The following ENOX1 variants were observed in gnomAD, a reference collection of about 807,000 sequenced individuals.
The protein encoded by ENOX1 is ecto-NOX disulfide-thiol exchanger 1, also known as candidate growth-related and time keeping constitutive hydroquinone (NADH) oxidase.
In ENOX1, 42 loss-of-function variants were observed where a neutral mutation model predicts 82.5. That is an observed-to-expected ratio of 0.51 (90% CI 0.40 to 0.66). The LOEUF (loss-of-function observed/expected upper bound fraction) is 0.66, where lower values mean the gene tolerates loss of function less well. Among genes scored for constraint, ENOX1 ranks in the 30% least tolerant of loss-of-function variants. The pLI, the probability that ENOX1 is intolerant of heterozygous loss-of-function variation, is 0.00. For synonymous variants in ENOX1, 271 were observed against 282.2 expected, an observed-to-expected ratio of 0.96 and a Z score of 0.40; for missense variants, 608 against 811.6, an observed-to-expected ratio of 0.75 and a Z score of 3.05.
chr13:43,502,528 T>C (rs534354628), intron 2 of ENOX1, among the ~76,000 whole-genome samples: 72 of 151,898 alleles, frequency 4.7e-4, no homozygotes, highest in African/African-American at 1.7e-3. Context: ...ATGGGATTTA[T>C]TCCTGGGATG....
Position 43,622,687 on chromosome 13 carries a change from G to T in ENOX1, c.-219+44792C>A, listed in dbSNP as rs150744961. 2.9e-3 allele frequency among the ~76,000 whole-genome samples: 446 copies of T among 152,210 alleles called. 2 individuals carry two copies. The highest frequency in any genetic ancestry group is 0.01 in the African/African-American group (419 of 41,520). On this transcript the variant is annotated intron_variant, in intron 2 of 16. Coordinates refer to ENST00000690772, the MANE Select transcript of ENOX1 (RefSeq NM_001347969.2). ...TCAGGGATGCAATGGACTCCATGAG[G>T]GTCCTTAGCTTTGGTGGTTTAATGG...
chr13:43,715,981 A>T (rs1199807255), intron 1 of ENOX1, among the ~76,000 whole-genome samples: 1 of 152,120 alleles, frequency 6.6e-6, no homozygotes, highest in Non-Finnish European at 1.5e-5. Context: ...AAAGTTTTTA[A>T]CTTCTTTGCC....
At chr13:43,474,206 G>A (rs1266967895) in intron 3 of ENOX1, among the ~76,000 whole-genome samples, 1 of 152,040 alleles carries the variant, frequency 6.6e-6, no homozygotes, top group East Asian at 1.9e-4. Flanking sequence ...GGTTTTTGTT[G>A]TTGTTGAGGT....
At chr13:43,603,103 T>C (rs1282816007) in intron 2 of ENOX1, among the ~76,000 whole-genome samples, 1 of 152,086 alleles carries the variant, frequency 6.6e-6, no homozygotes, top group Admixed American at 6.6e-5. Context: ...ATCATCTCAC[T>C]ATTGTTCACT....
chr13:43,584,194 A>T (rs997033983), intron 2 of ENOX1, among the ~76,000 whole-genome samples: 2 of 152,220 alleles, frequency 1.3e-5, no homozygotes, highest in Non-Finnish European at 2.9e-5. Flanking sequence ...ACAACCTTCA[A>T]TTCCAGGCAC....
chr13:43,610,209 G>A (rs930266196), intron 2 of ENOX1, among the ~76,000 whole-genome samples: 1 of 152,106 alleles, frequency 6.6e-6, no homozygotes, highest in African/African-American at 2.4e-5. Context: ...AGTGCTCTTG[G>A]CATTTATGTA....
At chr13:43,634,293 C>A (rs2083332571) in intron 2 of ENOX1, among the ~76,000 whole-genome samples, 1 of 152,154 alleles carries the variant, frequency 6.6e-6, no homozygotes. Flanking sequence ...ACTCCAAACT[C>A]CCATCAAAGA....
At chr13:43,470,454 ATAAT>A (rs71670448) in intron 3 of ENOX1, among the ~76,000 whole-genome samples, 40,777 of 133,100 alleles carry the variant, frequency 0.31, 7,513 homozygotes, top group East Asian at 0.51. Context: ...GATACAGAAA[ATAAT>A]TAACCATGAA....
intron 14 of ENOX1, among the ~76,000 whole-genome samples, chr13:43,252,546 C>A (rs765991751): frequency 1.3e-5 from 2 of 152,212 alleles, no homozygotes; most frequent in Non-Finnish European, 2.9e-5. Context: ...AAAACTGTAA[C>A]AAAACATGTG....
Position 43,213,540 on chromosome 13 carries a change from TTTTC to T in ENOX1, c.*446_*449del, listed in dbSNP as rs1272965603. The stretch of plus-strand genomic sequence containing the variant: ...TTCTTTTTTCTTTTTTTCTTTTTCT[TTTTC>T]TTTTTTTTTTTTTTTTTTTTTTTAC... On this transcript the variant is annotated 3_prime_UTR_variant, in exon 17 of 17. Transcript: ENST00000690772. The T allele has an allele frequency of 2.4e-5, 3 of 127,518 alleles. No homozygotes were observed. The Admixed American group carries it at 2.6e-4, about 11-fold the overall frequency. The allele number at this position is 127,518 out of a possible 1,614,324, so 7.9% of individuals were successfully genotyped here.
rs1566641461 is a variant in ENOX1, at chr13:43,616,153, G to GATATCTATCTAT, written c.-219+51325_-219+51326insATAGATAGATAT. Among the ~76,000 whole-genome samples the GATATCTATCTAT allele has an allele frequency of 1.2e-4, 2 of 16,414 alleles. 1 individual carries two copies. The highest frequency in any genetic ancestry group is 3.2e-4 in the African/African-American group (2 of 6,272). The allele number at this position is 16,414 out of a possible 152,430, so 10.8% of individuals were successfully genotyped here. A position where few individuals can be genotyped will look rare whatever the true frequency, so the allele number is the denominator to read the frequency against. On this transcript the variant is annotated intron_variant, in intron 2 of 16. Transcript: ENST00000690772. ...ATCTATCTATCTAGATATCTATATA[G>GATATCTATCTAT]ATAGATATCTATCTATCTATCTATC...
intron 3 of ENOX1, among the ~76,000 whole-genome samples, chr13:43,480,231 A>T (rs2058456602): frequency 6.6e-6 from 1 of 152,126 alleles, no homozygotes; most frequent in Non-Finnish European, 1.5e-5. Flanking sequence ...GAGCCACTGC[A>T]CCTGGCTGGT....
At chr13:43,224,273 G>A in intron 15 of ENOX1, 135 bp from the exon 16 acceptor site, 1 of 650,660 alleles carries the variant, frequency 1.5e-6, no homozygotes, top group Non-Finnish European at 2.7e-6. Context: ...CACTCAACAA[G>A]CATTCAATAA....
At chr13:43,380,924 A>G (rs1575430) in intron 5 of ENOX1, among the ~76,000 whole-genome samples, 101,384 of 151,646 alleles carry the variant, frequency 0.67, 36,607 homozygotes, top group Non-Finnish European at 0.83. Flanking sequence ...AACTAATAAA[A>G]TGGAAAGCTG....
At chr13:43,350,826 C>T (rs557946149) in intron 8 of ENOX1, among the ~76,000 whole-genome samples, 9 of 152,220 alleles carry the variant, frequency 5.9e-5, no homozygotes, top group African/African-American at 1.7e-4. Context: ...AGAGCCAAGC[C>T]GGGAGCACTG....
intron 2 of ENOX1, among the ~76,000 whole-genome samples, chr13:43,616,115 T>TA (rs1555341708): frequency 4.7e-4 from 6 of 12,846 alleles, no homozygotes; most frequent in Non-Finnish European, 1.3e-3. Context: ...TAGATATCTA[T>TA]AGATCTATAG....
chr13:43,555,270 C>G lies in ENOX1; in HGVS notation c.-218-71118G>C, dbSNP rs182712844. Among the ~76,000 whole-genome samples the G allele has an allele frequency of 1.1e-4, 17 of 152,334 alleles. No homozygotes were observed. In the East Asian group the frequency reaches 3.1e-3, roughly 28 times the overall value. On this transcript the variant is annotated intron_variant, in intron 2 of 16. Transcript: ENST00000690772. ...ACAATCACACAAAGACAACTAGCAT[C>G]AGCCGTATATGTGTCCTCAACCATC...
intron 5 of ENOX1, among the ~76,000 whole-genome samples, chr13:43,404,030 C>A (rs570759626): frequency 6.6e-6 from 1 of 152,262 alleles, no homozygotes. Flanking sequence ...ACCTCTGCCC[C>A]ATCTACCTCT....
At chr13:43,467,351 T>C (rs1292188144) in intron 3 of ENOX1, among the ~76,000 whole-genome samples, 1 of 152,198 alleles carries the variant, frequency 6.6e-6, no homozygotes, top group African/African-American at 2.4e-5. Context: ...AATGATAGAC[T>C]ATAGTAATTC....
Sources: allele counts gnomAD v4.1 joint callset (sites outside exome capture counted in the v4.1 genomes callset), GRCh38; gene constraint gnomAD v4.1.1; transcripts MANE v1.5; gene names NCBI Gene and HGNC (gene_info 2026-07-23, HGNC 2026-07-21).